Variants in CPVL observed in about 807,000 individuals in gnomAD.
CPVL encodes probable serine carboxypeptidase CPVL.
Under a neutral mutation model 63.7 loss-of-function variants are expected in CPVL, and 51 were observed. The ratio of observed to expected loss-of-function variants is 0.80; its 90% CI spans 0.64 to 1.01. The LOEUF is 1.01. Ranked by LOEUF, CPVL falls within the 50% of genes least tolerant of loss-of-function variation. The pLI is 0.00. For synonymous variants in CPVL, 195 were observed against 206.0 expected (o/e 0.95, Z 0.46); for missense variants, 530 against 573.1 (o/e 0.92, Z 0.77).
upstream of CPVL, among the ~76,000 whole-genome samples, chr7:29,148,174 G>A (rs929795801): frequency 1.3e-5 from 2 of 152,212 alleles, no homozygotes; most frequent in African/African-American, 4.8e-5. Context: ...TGCCATTTGG[G>A]GAGGGAATTT....
intron 3 of CPVL, among the ~76,000 whole-genome samples, chr7:29,106,909 A>T (rs189288826): frequency 1.3e-3 from 198 of 152,304 alleles, no homozygotes; most frequent in African/African-American, 4.6e-3. Flanking sequence ...GTGGGTCAGA[A>T]ATTTGAGGGT....
intron 5 of CPVL, among the ~76,000 whole-genome samples, chr7:29,167,163 C>T (rs1205666584): frequency 6.6e-6 from 1 of 152,140 alleles, no homozygotes; most frequent in Non-Finnish European, 1.5e-5. Flanking sequence ...GGTACAATAT[C>T]TTGAATTTTG....
intron 7 of CPVL, among the ~76,000 whole-genome samples, chr7:29,073,698 C>G (rs745692648): frequency 2.0e-5 from 3 of 152,182 alleles, no homozygotes; most frequent in Non-Finnish European, 4.4e-5. Context: ...TAATACTTAT[C>G]ATTCTCCAAC....
chr7:29,013,918 CT>C (rs1379680837), intron 12 of CPVL, among the ~76,000 whole-genome samples: 2 of 152,242 alleles, frequency 1.3e-5, no homozygotes, highest in Admixed American at 1.3e-4. Context: ...GTGGGACACT[CT>C]GATAGAAAAT....
rs570008282 is a variant in CPVL at position 29,175,001 on chromosome 7, T to C, written c.-11+6289A>G. Among the ~76,000 whole-genome samples the C allele has an allele frequency of 3.3e-5, 5 of 152,134 alleles. No individual in the cohort carries two copies. In the South Asian group the frequency reaches 6.2e-4, roughly 19 times the overall value. ...AGTTGATAAGCAGCAGATTAGATAA[T>C]GATATGGTTTGGCTGTGTCCACACC... On this transcript the variant is annotated intron_variant, in intron 5 of 16. Transcript: ENST00000409850.
intron 1 of CPVL, among the ~76,000 whole-genome samples, chr7:29,136,911 C>A (rs1791285259): frequency 6.6e-6 from 1 of 152,186 alleles, no homozygotes; most frequent in Admixed American, 6.5e-5. Context: ...TGCATTCCCA[C>A]AGCCAATCAA....
intron 1 of CPVL, chr7:29,194,970 C>G (rs1287485496): frequency 1.3e-6 from 2 of 1,586,112 alleles, no homozygotes; most frequent in Non-Finnish European, 1.7e-6. Flanking sequence ...TCCAGCCTGT[C>G]CGGCTCGTCG....
intron 11 of CPVL, among the ~76,000 whole-genome samples, chr7:29,035,717 C>G (rs1364692909): frequency 6.6e-6 from 1 of 152,190 alleles, no homozygotes; most frequent in Non-Finnish European, 1.5e-5. Context: ...GGATTCTGCT[C>G]TTTAATGGTT....
chr7:29,059,962 T>A (rs1791113110), intron 11 of CPVL, among the ~76,000 whole-genome samples: 1 of 152,200 alleles, frequency 6.6e-6, no homozygotes, highest in East Asian at 1.9e-4. Flanking sequence ...AAAGAGTTCT[T>A]GATTATATTT....
chr7:29,005,062 A>G (rs1785047062), intron 12 of CPVL, among the ~76,000 whole-genome samples: 1 of 114,618 alleles, frequency 8.7e-6, no homozygotes, highest in Admixed American at 8.5e-5. Flanking sequence ...ACATCCAGCT[A>G]ATTTTTTTTG....
chr7:29,145,935 T>C (rs996988171), intron 1 of CPVL: 1 of 152,220 alleles, frequency 6.6e-6, no homozygotes, highest in Non-Finnish European at 1.5e-5. Flanking sequence ...TATGCGTTCC[T>C]AGGCAGAAGC....
At chr7:29,058,558 A>T (rs1790972830) in intron 11 of CPVL, among the ~76,000 whole-genome samples, 1 of 152,102 alleles carries the variant, frequency 6.6e-6, no homozygotes, top group Non-Finnish European at 1.5e-5. Context: ...ACTTACTTTA[A>T]CATTTCTTAC....
intron 5 of CPVL, among the ~76,000 whole-genome samples, chr7:29,093,377 CAA>C (rs371165878): frequency 1.0e-4 from 7 of 70,012 alleles, no homozygotes; most frequent in South Asian, 6.1e-4. Context: ...ACTCCGTCTC[CAA>C]AAAAAAAAAA....
intron 9 of CPVL, among the ~76,000 whole-genome samples, chr7:29,071,551 T>C (rs1008833034): frequency 1.3e-5 from 2 of 152,212 alleles, no homozygotes; most frequent in Non-Finnish European, 2.9e-5. Context: ...CACTCCAAGA[T>C]GATCTCAGGC....
intron 7 of CPVL, among the ~76,000 whole-genome samples, chr7:29,077,278 T>C (rs1480776295): frequency 6.7e-6 from 1 of 149,808 alleles, no homozygotes; most frequent in Non-Finnish European, 1.5e-5. Context: ...CTCAGTTGAC[T>C]ACATTTCTCT....
chr7:29,135,630 C>A (rs1791130151), intron 1 of CPVL, among the ~76,000 whole-genome samples: 1 of 151,952 alleles, frequency 6.6e-6, no homozygotes, highest in African/African-American at 2.4e-5. Flanking sequence ...CCACGCCCAG[C>A]CTATATCAAT....
chr7:29,094,935 A>G (rs1326716051), intron 5 of CPVL, 149 bp downstream of exon 5: 2 of 653,856 alleles, frequency 3.1e-6, no homozygotes, highest in African/African-American at 3.7e-5. Context: ...CAGAAAAACT[A>G]AATCTCAAAA....
intron 11 of CPVL, among the ~76,000 whole-genome samples, chr7:29,049,192 T>C (rs1401841501): frequency 3.3e-5 from 5 of 151,226 alleles, no homozygotes; most frequent in African/African-American, 1.2e-4. Flanking sequence ...ATAAATGAAA[T>C]TGAAACAAGA....
chr7:29,030,991 T>G (rs974558828), intron 11 of CPVL, among the ~76,000 whole-genome samples: 2 of 152,196 alleles, frequency 1.3e-5, no homozygotes, highest in Non-Finnish European at 2.9e-5. Flanking sequence ...GCAAAAACAT[T>G]TGTGTTGTAT....
Sources: allele counts gnomAD v4.1 joint callset (sites outside exome capture counted in the v4.1 genomes callset), GRCh38; gene constraint gnomAD v4.1.1; transcripts MANE v1.5; gene names NCBI Gene and HGNC (gene_info 2026-07-23, HGNC 2026-07-21).